Variants in ADGRB1 observed in about 807,000 individuals in gnomAD.
The protein encoded by ADGRB1 is brain-specific angiogenesis inhibitor 1.
Under a neutral mutation model 175.7 loss-of-function variants are expected in ADGRB1, and 36 were observed. The observed-to-expected ratio is 0.20, with a 90% CI of 0.16 to 0.27. ADGRB1 has a LOEUF of 0.27. Ranked by LOEUF, ADGRB1 falls within the 10% of genes least tolerant of loss-of-function variation. The pLI is 1.00. For synonymous variants in ADGRB1, 1,054 were observed against 979.4 expected, an observed-to-expected ratio of 1.08 and a Z score of -1.42; for missense variants, 1,731 against 2,255.3, an observed-to-expected ratio of 0.77 and a Z score of 4.71.
chr8:142,450,724 C>T (rs1332502018), intron 1 of ADGRB1, among the ~76,000 whole-genome samples: 1 of 152,218 alleles, frequency 6.6e-6, no homozygotes, highest in Non-Finnish European at 1.5e-5. Context: ...AAGCCCTCGC[C>T]TGTAGACCTG....
chr8:142,473,601 C>T (rs1840778752), intron 2 of ADGRB1, among the ~76,000 whole-genome samples: 2 of 152,254 alleles, frequency 1.3e-5, no homozygotes, highest in South Asian at 2.1e-4. Context: ...AGTCCCCCAC[C>T]TCTCCTGGCA....
At chr8:142,472,401 G>T (rs141739171) in intron 2 of ADGRB1, among the ~76,000 whole-genome samples, 1 of 152,314 alleles carries the variant, frequency 6.6e-6, no homozygotes, top group African/African-American at 2.4e-5. Context: ...GGGAAGAAAG[G>T]CGGTTTCTTT....
intron 17 of ADGRB1, among the ~76,000 whole-genome samples, chr8:142,509,999 A>G (rs546494781): frequency 6.6e-6 from 1 of 152,100 alleles, no homozygotes; most frequent in Non-Finnish European, 1.5e-5. Flanking sequence ...AAGGAGGGAC[A>G]CGGTGGCTTC....
chr8:142,511,013 G>C lies in ADGRB1; in HGVS notation c.2757G>C (p.Thr919=). The C allele has an allele frequency of 7.6e-7, 1 of 1,310,368 alleles. No individual in the cohort carries two copies. The highest frequency in any genetic ancestry group is 9.9e-7 in the Non-Finnish European group (1 of 1,012,108). 81.2% of individuals were successfully genotyped at this position (1,310,368 alleles called of 1,614,324 possible). ...CRTVPLDALR[T]RCLCDRLSTF... is the part of the protein sequence containing the mutation. ...CGGTGCCCCTCGACGCCCTCCGGAC[G>C]CGCTGCCTCTGTGACCGGCTCTCCA... Residue 919 remains threonine, a synonymous_variant, in exon 18 of 31, where the codon ACG becomes ACC. Coordinates refer to ENST00000517894, the MANE Select transcript of ADGRB1 (RefSeq NM_001702.3). This position sits in a 1 kb window ranked among gnomAD's most constrained non-coding sequence, Gnocchi z 4.5.
intron 17 of ADGRB1, among the ~76,000 whole-genome samples, chr8:142,497,294 A>C (rs1350214339): frequency 6.6e-6 from 1 of 152,106 alleles, no homozygotes; most frequent in Non-Finnish European, 1.5e-5. Flanking sequence ...ACCCCTGCCC[A>C]AGCGAGCATC....
intron 9 of ADGRB1, 43 bp from the exon 10 acceptor site, chr8:142,481,211 C>A (rs376892581): frequency 3.2e-6 from 5 of 1,578,412 alleles, no homozygotes; most frequent in Non-Finnish European, 4.4e-6. Flanking sequence ...GATTCCTGGG[C>A]CAGGCAGCGG....
chr8:142,531,710 C>A (rs1231278313), intron 24 of ADGRB1, among the ~76,000 whole-genome samples: 1 of 152,192 alleles, frequency 6.6e-6, no homozygotes, highest in Admixed American at 6.5e-5. Context: ...CGTGTCCTAG[C>A]CATGGGTATG....
intron 18 of ADGRB1, among the ~76,000 whole-genome samples, chr8:142,516,948 T>G (rs1843483923): frequency 6.6e-6 from 1 of 152,194 alleles, no homozygotes; most frequent in Admixed American, 6.5e-5. Context: ...CTGTCTGTCT[T>G]CAGGCCTGGC....
chr8:142,510,494 CCGG>C lies in ADGRB1; in HGVS notation c.2676-436_2676-434del, dbSNP rs1843031218. Among the ~76,000 whole-genome samples the C allele has an allele frequency of 1.3e-5, 2 of 151,112 alleles. No individual in the cohort carries two copies. Among genetic ancestry groups the C allele is most frequent in the African/African-American group, 4.8e-5 (2 of 41,284 alleles). ...CCCGCCCCGCGCCCCCAGGCCACAC[CCGG>C]CTCGCACCCTCCCCGCTCCACGTGC... On this transcript the variant is annotated intron_variant, in intron 17 of 30. Transcript: ENST00000517894. The surrounding 1 kb of genome is among the most constrained non-coding windows in gnomAD (Gnocchi z 6.3).
chr8:142,520,965 C>T lies in ADGRB1; in HGVS notation c.3024+40C>T, dbSNP rs773762307. On this transcript the variant is annotated intron_variant, in intron 20 of 30. Transcript: ENST00000517894. ...GTCCTGCCATGCACTTCCCAACATC[C>T]TCGGGTGGTGAGGATGGACCCCAGG... 1.9e-6 allele frequency: 3 copies of T among 1,566,884 alleles called. No individual in the cohort carries two copies. The South Asian group carries it at 3.4e-5, about 18-fold the overall frequency.
intron 15 of ADGRB1, 62 bp downstream of exon 15, chr8:142,489,172 G>A: frequency 6.5e-7 from 1 of 1,549,622 alleles, no homozygotes; most frequent in African/African-American, 1.4e-5. Context: ...CAGGACCCCA[G>A]CCACAGGATG....
intron 23 of ADGRB1, among the ~76,000 whole-genome samples, chr8:142,526,109 G>A (rs1844166923): frequency 6.6e-6 from 1 of 152,170 alleles, no homozygotes; most frequent in African/African-American, 2.4e-5. Context: ...TTAATCTGAT[G>A]GGAATAGGGG....
chr8:142,479,532 G>A (rs368268957), intron 8 of ADGRB1, 45 bp downstream of exon 8: 245 of 1,508,248 alleles, frequency 1.6e-4, no homozygotes, highest in Non-Finnish European at 2.1e-4. Flanking sequence ...AGGGCTGATG[G>A]CGATTGGGCG....
chr8:142,516,880 G>A (rs186249703), intron 18 of ADGRB1, among the ~76,000 whole-genome samples: 21 of 152,288 alleles, frequency 1.4e-4, no homozygotes, highest in Non-Finnish European at 2.9e-4. Context: ...CCATGTAGAA[G>A]CGATGTCAGC....
chr8:142,511,068 G>A lies in ADGRB1; in HGVS notation c.2812G>A (p.Asp938Asn). The change falls in exon 18 of 31, where the codon GAC becomes AAC. Residue 938 changes from aspartate (D) to asparagine (N), a missense_variant. By Grantham distance (23) the Asp-to-Asn change is conservative. Around this residue, in one of 8 missense-constraint regions of ADGRB1, gnomAD observed 77 missense variants for 71.6 expected, o/e 1.08. Transcript: ENST00000517894. The surrounding 1 kb of genome is among the most constrained non-coding windows in gnomAD (Gnocchi z 4.5). ...CGCCATCTTAGCCCAGCTCAGCGCC[G>A]ACGCGGTGAGACCCCGGCCGGGCCG... ...TFAILAQLSA[D>N]ANMEKATLPS... 2 of 1,176,718 alleles carry A rather than the reference G, an allele frequency of 1.7e-6. No homozygotes were observed. Among genetic ancestry groups the A allele is most frequent in the South Asian group, 2.5e-5 (1 of 40,742 alleles). 72.9% of individuals were successfully genotyped at this position (1,176,718 alleles called of 1,614,324 possible). A position where few individuals can be genotyped will look rare whatever the true frequency, so the allele number is the denominator to read the frequency against.
rs746117667 is a variant in ADGRB1, at chr8:142,492,482, G to A, written c.2675+1667G>A. On this transcript the variant is annotated intron_variant, in intron 17 of 30. Coordinates refer to ENST00000517894, the MANE Select transcript of ADGRB1 (RefSeq NM_001702.3). This position sits in a 1 kb window ranked among gnomAD's most constrained non-coding sequence, Gnocchi z 4.4. ...TGCAAGCAGGGTCATGCACGCCTCC[G>A]AGGGAAGGGGAGGTTTCGGCAGAGG... 3.9e-5 allele frequency among the ~76,000 whole-genome samples: 6 copies of A among 152,168 alleles called. No homozygotes were observed. The highest frequency in any genetic ancestry group is 5.9e-5 in the Non-Finnish European group (4 of 68,028).
intron 18 of ADGRB1, among the ~76,000 whole-genome samples, chr8:142,515,733 C>T (rs1459458986): frequency 3.3e-5 from 5 of 151,358 alleles, no homozygotes; most frequent in Admixed American, 6.6e-5. Context: ...TGGGAGGGAT[C>T]GGGGGGCCGG....
chr8:142,484,644 C>T lies in ADGRB1; in HGVS notation c.2200-12C>T, dbSNP rs1381098866. The T allele has an allele frequency of 3.1e-6, 5 of 1,603,710 alleles. No homozygotes were observed. The highest frequency in any genetic ancestry group is 2.2e-5 in the South Asian group (2 of 89,154). On this transcript the variant is annotated splice_polypyrimidine_tract_variant and intron_variant, in intron 12 of 30. Coordinates refer to ENST00000517894, the MANE Select transcript of ADGRB1 (RefSeq NM_001702.3). ...GCCTCCTCCCTCGGCTGCTCACCCC[C>T]CTGCCCTCCAGGCGGGCCCCAACGC...
intron 23 of ADGRB1, 112 bp from the exon 24 acceptor site, chr8:142,526,430 T>G (rs1844194170): frequency 2.1e-6 from 2 of 972,750 alleles, no homozygotes; most frequent in African/African-American, 3.2e-5. Context: ...GAGGTGACCC[T>G]GGGTGGGGTA....
Sources: gnomAD v4.1 joint callset for allele counts (sites outside exome capture counted in the v4.1 genomes callset) on GRCh38, gnomAD v4.1.1 for gene constraint, gnomAD v4.1.1 regional missense constraint, Gnocchi (gnomAD v3.1) non-coding constraint, MANE v1.5 for transcripts, NCBI Gene and HGNC (gene_info 2026-07-23, HGNC 2026-07-21) for gene names.